The following GPR89B variants were observed in gnomAD, a reference collection of about 807,000 sequenced individuals.
GPR89B encodes the protein golgi pH regulator B.
In GPR89B, 25 loss-of-function variants were observed where a neutral mutation model predicts 52.4. The ratio of observed to expected loss-of-function variants is 0.48; its 90% CI spans 0.35 to 0.67. The LOEUF (loss-of-function observed/expected upper bound fraction) is 0.67, where lower values mean the gene tolerates loss of function less well. GPR89B is among the 30% of genes least tolerant of loss of function. The probability of loss-of-function intolerance (pLI) is 0.01; values close to 1 mark genes in which losing one functional copy is unlikely to be tolerated. For missense variants in GPR89B, 146 were observed against 450.2 expected (o/e 0.32, Z 6.11); for synonymous variants, 52 against 151.2 (o/e 0.34, Z 4.81).
intron 10 of GPR89B, among the ~76,000 whole-genome samples, chr1:147,983,787 G>C (rs1658446963): frequency 7.9e-5 from 12 of 151,904 alleles, no homozygotes; most frequent in Non-Finnish European, 2.9e-5. Flanking sequence ...CAGGGATCTA[G>C]AACTAGAAAT....
At chr1:147,937,645 C>T (rs1212316367) in intron 2 of GPR89B, among the ~76,000 whole-genome samples, 1 of 152,154 alleles carries the variant, frequency 6.6e-6, no homozygotes, top group Non-Finnish European at 1.5e-5. Flanking sequence ...TTCTCCTACT[C>T]GCTTTCTGCA....
chr1:147,965,949 C>T lies in GPR89B; in HGVS notation c.618-605C>T, dbSNP rs1333973038. Among the ~76,000 whole-genome samples the T allele has an allele frequency of 2.4e-4, 37 of 151,848 alleles. 3 individuals are homozygous for T. The highest frequency in any genetic ancestry group is 1.9e-3 in the Admixed American group (29 of 15,254). ...GCAACCTCTGCCTCCTAGGTTCAAG[C>T]GATTCTCCTGCCTCAGCCTCCCAAG... On this transcript the variant is annotated intron_variant, in intron 7 of 13. Coordinates refer to ENST00000314163, the MANE Select transcript of GPR89B (RefSeq NM_016334.5).
chr1:147,937,388 T>C (rs1213903597), intron 2 of GPR89B, among the ~76,000 whole-genome samples: 5 of 152,138 alleles, frequency 3.3e-5, no homozygotes, highest in Non-Finnish European at 5.9e-5. Context: ...TGTGCACACA[T>C]TGTCTTTATA....
intron 7 of GPR89B, among the ~76,000 whole-genome samples, chr1:147,965,481 T>C (rs1280988509): frequency 2.0e-4 from 31 of 152,234 alleles, no homozygotes; most frequent in African/African-American, 7.2e-4. Flanking sequence ...CTTGGCCCAT[T>C]AAACCCTTTA....
chr1:147,962,468 C>T (rs1656659006), intron 7 of GPR89B, among the ~76,000 whole-genome samples: 1 of 147,850 alleles, frequency 6.8e-6, no homozygotes, highest in African/African-American at 2.5e-5. Flanking sequence ...GACACAAATA[C>T]ACCCAGCTAA....
chr1:148,000,767 G>A, the GPR89B span, among the ~76,000 whole-genome samples: 2 of 122,104 alleles, frequency 1.6e-5, no homozygotes, highest in South Asian at 2.9e-4. Context: ...CAGTTCTTGT[G>A]TTAAAAGTAA....
intron 10 of GPR89B, among the ~76,000 whole-genome samples, chr1:147,979,616 C>A (rs1658087563): frequency 6.6e-6 from 1 of 151,888 alleles, no homozygotes; most frequent in Non-Finnish European, 1.5e-5. Context: ...TTGTTAAATT[C>A]TTTTACTGCA....
downstream of GPR89B, among the ~76,000 whole-genome samples, chr1:147,996,106 C>T (rs1338309205): frequency 9.2e-5 from 14 of 152,178 alleles, no homozygotes; most frequent in East Asian, 2.7e-3. Flanking sequence ...AATAGTGGTT[C>T]AGCGTCATAT....
the GPR89B span, among the ~76,000 whole-genome samples, chr1:148,023,007 G>T: frequency 6.6e-6 from 1 of 151,966 alleles, no homozygotes; most frequent in Non-Finnish European, 1.5e-5. Flanking sequence ...AAGGGTACAA[G>T]TGTAGCATTG....
the GPR89B span, chr1:148,005,494 T>A: frequency 6.2e-7 from 1 of 1,605,434 alleles, no homozygotes; most frequent in African/African-American, 1.4e-5. Flanking sequence ...ATCAGTCATG[T>A]ATACCCCCTT....
At chr1:148,005,980 A>G in the GPR89B span, among the ~76,000 whole-genome samples, 1 of 152,106 alleles carries the variant, frequency 6.6e-6, no homozygotes, top group African/African-American at 2.4e-5. Flanking sequence ...TCCATTGCAA[A>G]GAAAAACTCG....
chr1:147,930,453 C>CAAGATATGTCTTGGACAGT (rs2149029973), intron 1 of GPR89B, among the ~76,000 whole-genome samples: 1 of 151,862 alleles, frequency 6.6e-6, no homozygotes, highest in East Asian at 1.9e-4. Context: ...GTTATCTGTC[C>CAAGATATGTCTTGGACAGT]ATGAAGTCCA....
At chr1:148,004,216 G>A in the GPR89B span, among the ~76,000 whole-genome samples, 1 of 149,902 alleles carries the variant, frequency 6.7e-6, no homozygotes, top group South Asian at 2.2e-4. Context: ...GAGTGCAGTG[G>A]CACTATCTCA....
At chr1:147,986,053 A>G (rs1658643788) in intron 10 of GPR89B, 146 bp from the exon 11 acceptor site, 2 of 1,528,272 alleles carry the variant, frequency 1.3e-6, no homozygotes, top group East Asian at 2.3e-5. Flanking sequence ...TTTCCTATAT[A>G]TGATTTGGAT....
the GPR89B span, among the ~76,000 whole-genome samples, chr1:148,017,382 G>A: frequency 5.3e-5 from 8 of 151,508 alleles, no homozygotes; most frequent in East Asian, 2.0e-4. Context: ...AGTTGAGAAG[G>A]TAGTTCACAG....
At chr1:147,968,507 G>GT in intron 8 of GPR89B, 2 of 378,438 alleles carry the variant, frequency 5.3e-6, no homozygotes, top group Non-Finnish European at 1.0e-5. Flanking sequence ...TTCAGATAAT[G>GT]TAGGAGAAAG....
intron 7 of GPR89B, among the ~76,000 whole-genome samples, chr1:147,957,659 G>A (rs1325222430): frequency 1.8e-4 from 27 of 151,632 alleles, no homozygotes; most frequent in Admixed American, 1.8e-3. Flanking sequence ...TAAGTAAATG[G>A]TAACAGGTTT....
intron 10 of GPR89B, among the ~76,000 whole-genome samples, chr1:147,970,491 A>ATCTGTC (rs1657342320): frequency 9.5e-6 from 1 of 105,814 alleles, no homozygotes; most frequent in Non-Finnish European, 2.0e-5. Context: ...GTGAGACTCC[A>ATCTGTC]TCTCTCTCTC....
At chr1:147,937,667 A>G (rs1407775619) in intron 2 of GPR89B, among the ~76,000 whole-genome samples, 1 of 152,162 alleles carries the variant, frequency 6.6e-6, no homozygotes, top group Non-Finnish European at 1.5e-5. Flanking sequence ...GAAGAAGAAT[A>G]TGACTCTATT....
Sources: gnomAD v4.1 joint callset for allele counts (sites outside exome capture counted in the v4.1 genomes callset) on GRCh38, gnomAD v4.1.1 for gene constraint, MANE v1.5 for transcripts, NCBI Gene and HGNC (gene_info 2026-07-23, HGNC 2026-07-21) for gene names.